The following ADAM11 variants were observed in gnomAD, a reference collection of about 807,000 sequenced individuals.
ADAM11 encodes the protein ADAM metallopeptidase domain 11.
In ADAM11, 49 loss-of-function variants were observed where a neutral mutation model predicts 119.1. The ratio of observed to expected loss-of-function variants is 0.41; its 90% CI spans 0.33 to 0.52. ADAM11 has a LOEUF of 0.52. ADAM11 is among the 20% of genes least tolerant of loss of function. ADAM11 has a pLI of 0.20. For synonymous variants in ADAM11, 364 were observed against 408.0 expected (o/e 0.89, Z 1.30); for missense variants, 777 against 1,047.5 (o/e 0.74, Z 3.56).
At chr17:44,767,186 T>G (rs1004992534) in intron 2 of ADAM11, among the ~76,000 whole-genome samples, 1 of 151,658 alleles carries the variant, frequency 6.6e-6, no homozygotes, top group Non-Finnish European at 1.5e-5. Flanking sequence ...AAACCCTGTC[T>G]CTACTAAAAA....
intron 2 of ADAM11, among the ~76,000 whole-genome samples, chr17:44,768,637 C>T (rs750228701): frequency 6.6e-6 from 1 of 152,146 alleles, no homozygotes; most frequent in Non-Finnish European, 1.5e-5. Context: ...GACCAGGGCC[C>T]GGCACACAAG....
At position 44,779,909 on chromosome 17, in the gene ADAM11, G is replaced by A. The variant is rs2049668594; in HGVS notation, c.*155G>A. The A allele has an allele frequency of 7.9e-6, 9 of 1,132,352 alleles. No homozygotes were observed. In the East Asian group the frequency reaches 2.3e-4, roughly 29 times the overall value. The allele number at this position is 1,132,352 out of a possible 1,614,324, so 70.1% of individuals were successfully genotyped here. On this transcript the variant is annotated 3_prime_UTR_variant, in exon 27 of 27. Coordinates refer to ENST00000200557, the MANE Select transcript of ADAM11 (RefSeq NM_002390.6). ...CCGCAGGGGTTTGGGTGGGGGCTGT[G>A]GCCCTGCCCTTGGCACCACCAGGGT...
intron 2 of ADAM11, among the ~76,000 whole-genome samples, chr17:44,762,417 C>T (rs1391963209): frequency 2.0e-5 from 3 of 152,314 alleles, no homozygotes; most frequent in South Asian, 2.1e-4. Flanking sequence ...GGGGTTAGAG[C>T]GCTTTTGGCC....
rs765798411 is a variant in ADAM11, at chr17:44,777,732, A to G, written c.1939A>G (p.Ser647Gly). 4.3e-6 allele frequency: 7 copies of G among 1,613,766 alleles called. No individual in the cohort carries two copies. Among genetic ancestry groups the G allele is most frequent in the Non-Finnish European group, 5.9e-6 (7 of 1,179,962 alleles). Residue 647 changes from serine (S) to glycine (G), a missense_variant, in exon 23 of 27, where the codon AGC becomes GGC. Ser to Gly is a moderately conservative substitution (Grantham distance 56). Transcript: ENST00000200557. This position sits in a 1 kb window ranked among gnomAD's most constrained non-coding sequence, Gnocchi z 5.1. ...GCAGCTGGCGGACGGCTCTGACCTG[A>G]GCTATGTGGAGGATGGCACAGCCTG... The part of the protein sequence containing the change: ...HVQLADGSDL[S>G]YVEDGTACGP...
intron 4 of ADAM11, among the ~76,000 whole-genome samples, chr17:44,770,688 T>TC (rs1393223038): frequency 6.6e-6 from 1 of 152,088 alleles, no homozygotes; most frequent in Non-Finnish European, 1.5e-5. Context: ...AGGTTGTGTG[T>TC]GATGTTAGGG....
At chr17:44,769,868 G>A in intron 3 of ADAM11, 74 bp downstream of exon 3, 1 of 1,603,082 alleles carries the variant, frequency 6.2e-7, no homozygotes, top group East Asian at 2.2e-5. Context: ...CTGGCTGCTG[G>A]GGGTCTGGGG....
Position 44,775,691 on chromosome 17 carries a change from C to A in ADAM11, c.1485+15C>A. ...GCCGCTGCAAGGTAAGCAGGACCGG[C>A]CGGGAGGCGGGGCCAGGACGCAGGA... is the stretch of plus-strand genomic sequence containing the variant. On this transcript the variant is annotated intron_variant, in intron 17 of 26. Transcript: ENST00000200557. This position sits in a 1 kb window ranked among gnomAD's most constrained non-coding sequence, Gnocchi z 7.5. 1 of 1,564,082 alleles carries A rather than the reference C, an allele frequency of 6.4e-7. No individual in the cohort carries two copies. Among genetic ancestry groups the A allele is most frequent in the Non-Finnish European group, 8.6e-7 (1 of 1,157,852 alleles).
chr17:44,775,018 C>G lies in ADAM11; in HGVS notation c.1221-194C>G, dbSNP rs1220985626. ...AGACACCTTCCCTCCAGCGCGGCTG[C>G]GAGTCCCCAGGTTCAGCGGAGGGGA... is the stretch of plus-strand genomic sequence containing the variant. On this transcript the variant is annotated intron_variant, in intron 14 of 26. Coordinates refer to ENST00000200557, the MANE Select transcript of ADAM11 (RefSeq NM_002390.6). The surrounding 1 kb of genome is among the most constrained non-coding windows in gnomAD (Gnocchi z 7.5). Among the ~76,000 whole-genome samples, 1 of 152,230 alleles carries G rather than the reference C, an allele frequency of 6.6e-6. No individual in the cohort carries two copies. The highest frequency in any genetic ancestry group is 1.5e-5 in the Non-Finnish European group (1 of 68,048).
In ADAM11 at chr17:44,772,441, G is replaced by A. The variant is rs750236543; in HGVS notation, c.653G>A (p.Arg218Gln). 2.3e-5 allele frequency: 37 copies of A among 1,575,530 alleles called. No individual in the cohort carries two copies. The highest frequency in any genetic ancestry group is 2.8e-5 in the Non-Finnish European group (33 of 1,160,254). ...CCTGCCCAGTCGGCTCCTCCAAACC[G>A]GCCGAGGCTGAGAAGGAAAAGGCAG... ...AVPAQSAPPN[R>Q]PRLRRKRQVR... The change falls in exon 8 of 27, where the codon CGG (arginine) becomes CAG (glutamine). Residue 218 changes from arginine to glutamine, a missense_variant. Physicochemically the swap from Arg to Gln is conservative, Grantham distance 43 (BLOSUM62 1). Coordinates refer to ENST00000200557, the MANE Select transcript of ADAM11 (RefSeq NM_002390.6). This position sits in a 1 kb window ranked among gnomAD's most constrained non-coding sequence, Gnocchi z 4.5.
At chr17:44,770,498 CCG>C (rs1268523161) in intron 4 of ADAM11, among the ~76,000 whole-genome samples, 1,036 of 13,856 alleles carry the variant, frequency 0.075, 18 homozygotes, top group Admixed American at 0.15. Context: ...TCCCCCCCCC[CCG>C]CCCCCACTGC....
chr17:44,765,467 G>A (rs562641722), intron 2 of ADAM11, among the ~76,000 whole-genome samples: 58 of 152,246 alleles, frequency 3.8e-4, no homozygotes, highest in Middle Eastern at 6.8e-3. Context: ...CAAAGGAGTC[G>A]TTTATGCAGT....
At chr17:44,768,952 A>G (rs1319028720) in intron 2 of ADAM11, among the ~76,000 whole-genome samples, 1 of 152,218 alleles carries the variant, frequency 6.6e-6, no homozygotes, top group Non-Finnish European at 1.5e-5. Context: ...TCAAGCGCCC[A>G]GGCCTGGGGG....
At chr17:44,779,708 G>A (rs886483826) in intron 26 of ADAM11, 31 bp from the exon 27 acceptor site, 29 of 1,586,784 alleles carry the variant, frequency 1.8e-5, no homozygotes, top group African/African-American at 1.4e-4. Flanking sequence ...CCCTGCTCAC[G>A]TCCTCCCCTG....
rs2049594070 is a variant in ADAM11, at chr17:44,775,874, G to C, written c.1485+198G>C. On this transcript the variant is annotated intron_variant, in intron 17 of 26. Transcript: ENST00000200557. The surrounding 1 kb of genome is among the most constrained non-coding windows in gnomAD (Gnocchi z 7.5). The stretch of plus-strand genomic sequence containing the variant: ...TGTTGAAGGCGGGGCTACGAGGAGC[G>C]GGAAGGGAAGGCTGCCCAGAATCAA... 6.6e-6 allele frequency among the ~76,000 whole-genome samples: 1 copy of C among 152,020 alleles called. No homozygotes were observed. Among genetic ancestry groups the C allele is most frequent in the South Asian group, 2.1e-4 (1 of 4,818 alleles).
chr17:44,759,482 C>G, intron 1 of ADAM11: 1 of 1,249,488 alleles, frequency 8.0e-7, no homozygotes, highest in Non-Finnish European at 1.0e-6. Context: ...CCGGCCAGCT[C>G]TGCAGGTCTC....
At chr17:44,765,296 C>G (rs992919717) in intron 2 of ADAM11, among the ~76,000 whole-genome samples, 3 of 152,170 alleles carry the variant, frequency 2.0e-5, no homozygotes, top group African/African-American at 7.2e-5. Flanking sequence ...CTCCTCCCCA[C>G]TCTGCAGCCA....
At position 44,775,201 on chromosome 17, in the gene ADAM11, G is replaced by A. The variant is rs1195219375; in HGVS notation, c.1221-11G>A. On this transcript the variant is annotated splice_polypyrimidine_tract_variant and intron_variant, in intron 14 of 26. Transcript: ENST00000200557. This position sits in a 1 kb window ranked among gnomAD's most constrained non-coding sequence, Gnocchi z 7.5. ...GGAGCAGCCAGCAGCACCTCCCCTCGCCCTATCCAGGTTCTACCTGCCCCG... is the reference window on the plus strand; with the variant it reads ...GGAGCAGCCAGCAGCACCTCCCCTCACCCTATCCAGGTTCTACCTGCCCCG... 6.2e-7 allele frequency: 1 copy of A among 1,608,612 alleles called. No individual in the cohort carries two copies. Among genetic ancestry groups the A allele is most frequent in the South Asian group, 1.1e-5 (1 of 90,948 alleles).
At position 44,780,034 on chromosome 17, in the gene ADAM11, A is replaced by C; in HGVS notation, c.*280A>C. On this transcript the variant is annotated 3_prime_UTR_variant, in exon 27 of 27. Transcript: ENST00000200557. ...CCCGTGTGAATGTAGCTTCCACCTCATGGATTGCCACAGCTCAACTCGGGG... is the reference window on the plus strand; with the variant it reads ...CCCGTGTGAATGTAGCTTCCACCTCCTGGATTGCCACAGCTCAACTCGGGG... The C allele has an allele frequency of 7.3e-6, 5 of 685,478 alleles. No individual in the cohort carries two copies. The highest frequency in any genetic ancestry group is 2.8e-5 in the East Asian group (1 of 35,860). The allele number at this position is 685,478 out of a possible 1,614,324, so 42.5% of individuals were successfully genotyped here.
chr17:44,767,567 C>G (rs549171149), intron 2 of ADAM11, among the ~76,000 whole-genome samples: 69 of 152,256 alleles, frequency 4.5e-4, no homozygotes, highest in South Asian at 1.4e-3. Flanking sequence ...CAGGCAAACA[C>G]CCCTTGGTAT....
Sources: gnomAD v4.1 joint callset for allele counts (sites outside exome capture counted in the v4.1 genomes callset) on GRCh38, gnomAD v4.1.1 for gene constraint, Gnocchi (gnomAD v3.1) non-coding constraint, MANE v1.5 for transcripts, NCBI Gene and HGNC (gene_info 2026-07-23, HGNC 2026-07-21) for gene names.